SLC22A15: variants seen among roughly 807,000 people sequenced by gnomAD.
SLC22A15 encodes solute carrier family 22 member 15.
SLC22A15 carries 45 observed loss-of-function variants against 62.7 expected under a neutral mutation model. The ratio of observed to expected loss-of-function variants is 0.72; its 90% CI spans 0.56 to 0.92. The LOEUF (loss-of-function observed/expected upper bound fraction) is 0.92. Among genes scored for constraint, SLC22A15 ranks in the 40% least tolerant of loss-of-function variants. The pLI, the probability that SLC22A15 is intolerant of heterozygous loss-of-function variation, is 0.00. For synonymous variants in SLC22A15, 264 were observed against 267.0 expected (o/e 0.99, Z 0.11); for missense variants, 622 against 665.6 (o/e 0.93, Z 0.72).
chr1:116,041,019 A>C lies in SLC22A15; in HGVS notation c.1171+3631A>C, dbSNP rs1347578870. Among the ~76,000 whole-genome samples, 6 of 152,280 alleles carry C rather than the reference A, an allele frequency of 3.9e-5. No individual in the cohort carries two copies. In the South Asian group the frequency reaches 1.2e-3, roughly 32 times the overall value. On this transcript the variant is annotated intron_variant, in intron 8 of 11. Coordinates refer to ENST00000369503, the MANE Select transcript of SLC22A15 (RefSeq NM_018420.3). Reference sequence around the variant, plus strand: ...CTCTTTAGTGTGCAGGCCTGATAGGACTTGGCCAGTGTTGAAGAACCTGGG... The same window carrying C: ...CTCTTTAGTGTGCAGGCCTGATAGGCCTTGGCCAGTGTTGAAGAACCTGGG...
At chr1:116,065,044 CAAAG>C (rs1456814084) in intron 10 of SLC22A15, among the ~76,000 whole-genome samples, 5 of 151,872 alleles carry the variant, frequency 3.3e-5, no homozygotes, top group Non-Finnish European at 7.4e-5. Context: ...CTTGTATAGT[CAAAG>C]AAAGGGAACC....
At chr1:115,984,473 A>C (rs1654758955) in intron 1 of SLC22A15, among the ~76,000 whole-genome samples, 1 of 152,298 alleles carries the variant, frequency 6.6e-6, no homozygotes, top group South Asian at 2.1e-4. Context: ...ATATACAGTC[A>C]TGCCCCACAT....
Position 116,069,504 on chromosome 1 carries a change from G to A in SLC22A15, c.*2396G>A, listed in dbSNP as rs1231850858. On this transcript the variant is annotated 3_prime_UTR_variant, in exon 12 of 12. Coordinates refer to ENST00000369503, the MANE Select transcript of SLC22A15 (RefSeq NM_018420.3). ...TAAAAATTTTTTTTCCTAAAATAAA[G>A]CAAGAAAAATAAATGTAAGATATAT... 6.6e-6 allele frequency: 1 copy of A among 152,034 alleles called. No homozygotes were observed. The highest frequency in any genetic ancestry group is 2.1e-4 in the South Asian group (1 of 4,822). 9.4% of individuals were successfully genotyped at this position (152,034 alleles called of 1,614,324 possible). A position where few individuals can be genotyped will look rare whatever the true frequency, so the allele number is the denominator to read the frequency against.
intron 8 of SLC22A15, among the ~76,000 whole-genome samples, chr1:116,042,431 TA>T (rs869152382): frequency 6.6e-6 from 1 of 151,346 alleles, no homozygotes; most frequent in Admixed American, 6.6e-5. Context: ...GTTAAAGACA[TA>T]AAAAAACTAT....
chr1:116,020,774 G>T lies in SLC22A15; in HGVS notation c.487G>T (p.Glu163Ter). 1 of 1,613,700 alleles carries T rather than the reference G, an allele frequency of 6.2e-7. No individual in the cohort carries two copies. Among genetic ancestry groups the T allele is most frequent in the African/African-American group, 1.3e-5 (1 of 74,994 alleles). Residue 163 changes from glutamate (E) to a stop codon, truncating the protein, a stop_gained, in exon 4 of 12, where the codon GAG becomes TAG. Coordinates refer to ENST00000369503, the MANE Select transcript of SLC22A15 (RefSeq NM_018420.3). LOFTEE classifies it high-confidence loss of function. ...TGCAAATGGATTTTCCCCCTCATAT[G>T]AGTTCTTTGCAGTAACTCGCTTCCT... ...AIANGFSPSYEFFAVTRFLVG... is the reference protein window; with the variant it reads ...AIANGFSPSY
chr1:116,019,750 G>A (rs925714432), intron 3 of SLC22A15, 36 bp downstream of exon 3: 29 of 1,579,202 alleles, frequency 1.8e-5, no homozygotes, highest in Non-Finnish European at 2.4e-5. Flanking sequence ...TGGATGAGAG[G>A]GCTTATTTCT....
At chr1:116,063,430 A>G (rs2101573649) in intron 9 of SLC22A15, among the ~76,000 whole-genome samples, 1 of 152,336 alleles carries the variant, frequency 6.6e-6, no homozygotes, top group Admixed American at 6.5e-5. Context: ...TCTGAAAGCA[A>G]GAAACACACC....
intron 8 of SLC22A15, among the ~76,000 whole-genome samples, chr1:116,059,389 A>G (rs1406084026): frequency 6.6e-6 from 1 of 152,220 alleles, no homozygotes; most frequent in Non-Finnish European, 1.5e-5. Flanking sequence ...TTTATTAATA[A>G]TAGCCCCAAA....
intron 1 of SLC22A15, among the ~76,000 whole-genome samples, chr1:115,984,499 A>G (rs1412530061): frequency 1.3e-5 from 2 of 152,222 alleles, no homozygotes; most frequent in African/African-American, 4.8e-5. Flanking sequence ...TGTTTCTGTC[A>G]ATAATCACAT....
chr1:116,032,674 G>T (rs1348593461), intron 6 of SLC22A15: 1 of 974,084 alleles, frequency 1.0e-6, no homozygotes, highest in East Asian at 1.1e-4. Context: ...GAATATCACA[G>T]ATGCATAATA....
rs191970578 is a variant in SLC22A15, at chr1:115,983,494, G to A, written c.87+6780G>A. Among the ~76,000 whole-genome samples the A allele has an allele frequency of 5.3e-5, 8 of 152,224 alleles. No individual in the cohort carries two copies. In the East Asian group the frequency reaches 9.6e-4, roughly 18 times the overall value. On this transcript the variant is annotated intron_variant, in intron 1 of 11. Coordinates refer to ENST00000369503, the MANE Select transcript of SLC22A15 (RefSeq NM_018420.3). The stretch of plus-strand genomic sequence containing the variant: ...TATGTAAGATTATATATGTATAATC[G>A]ATGCATCATTCATTATGGAGATTTG...
At chr1:116,020,949 A>G in intron 4 of SLC22A15, 64 bp downstream of exon 4, 6 of 1,434,624 alleles carry the variant, frequency 4.2e-6, no homozygotes, top group African/African-American at 1.4e-5. Context: ...ATAGGGACCC[A>G]GTTTAATCCT....
At chr1:116,034,664 G>A (rs1012808946) in intron 6 of SLC22A15, among the ~76,000 whole-genome samples, 1 of 152,132 alleles carries the variant, frequency 6.6e-6, no homozygotes, top group Non-Finnish European at 1.5e-5. Flanking sequence ...GAAGTGTCTG[G>A]ATCATTGGGG....
chr1:116,035,436 C>T, intron 7 of SLC22A15, 109 bp downstream of exon 7: 3 of 874,858 alleles, frequency 3.4e-6, no homozygotes, highest in Non-Finnish European at 4.9e-6. Flanking sequence ...TATGCAGTAT[C>T]AGCTGATTGC....
chr1:115,981,247 T>G (rs77091270), intron 1 of SLC22A15, among the ~76,000 whole-genome samples: 7,010 of 152,338 alleles, frequency 0.046, 564 homozygotes, highest in African/African-American at 0.16. Context: ...ATCCCCAGGA[T>G]GTTCTCACCA....
At chr1:116,000,088 A>T (rs1655645505) in intron 2 of SLC22A15, among the ~76,000 whole-genome samples, 2 of 152,096 alleles carry the variant, frequency 1.3e-5, no homozygotes, top group Non-Finnish European at 2.9e-5. Flanking sequence ...ATTGGAGTTT[A>T]GTCCATTTAC....
At position 116,067,193 on chromosome 1, in the gene SLC22A15, T is replaced by C. The variant is rs1170646031; in HGVS notation, c.*85T>C. On this transcript the variant is annotated 3_prime_UTR_variant, in exon 12 of 12. Coordinates refer to ENST00000369503, the MANE Select transcript of SLC22A15 (RefSeq NM_018420.3). Reference sequence around the variant, plus strand: ...GGTTCTTCCATGACTCCTAAGAGAGTTGTAAAAATAGAGGCTTGGCTTGAA... The same window carrying C: ...GGTTCTTCCATGACTCCTAAGAGAGCTGTAAAAATAGAGGCTTGGCTTGAA... The C allele has an allele frequency of 1.9e-6, 2 of 1,029,684 alleles. No individual in the cohort carries two copies. The highest frequency in any genetic ancestry group is 3.0e-6 in the Non-Finnish European group (2 of 676,966). The allele number at this position is 1,029,684 out of a possible 1,614,324, so 63.8% of individuals were successfully genotyped here. A position where few individuals can be genotyped will look rare whatever the true frequency, so the allele number is the denominator to read the frequency against.
At chr1:116,007,666 C>A (rs1397286299) in intron 2 of SLC22A15, among the ~76,000 whole-genome samples, 1 of 152,116 alleles carries the variant, frequency 6.6e-6, no homozygotes, top group African/African-American at 2.4e-5. Context: ...CAGAGGCCTT[C>A]CATAGATGCT....
intron 5 of SLC22A15, among the ~76,000 whole-genome samples, chr1:116,029,599 T>C (rs1657291932): frequency 6.6e-6 from 1 of 152,182 alleles, no homozygotes; most frequent in Non-Finnish European, 1.5e-5. Flanking sequence ...CAAAGAAATA[T>C]AAGACCGTAA....
Sources: allele counts gnomAD v4.1 joint callset (sites outside exome capture counted in the v4.1 genomes callset), GRCh38; gene constraint gnomAD v4.1.1; transcripts MANE v1.5; gene names NCBI Gene and HGNC (gene_info 2026-07-23, HGNC 2026-07-21).